SRPRA: variants seen among roughly 807,000 people sequenced by gnomAD.
SRPRA encodes the protein SRP receptor subunit alpha.
SRPRA carries 30 observed loss-of-function variants against 61.1 expected under a neutral mutation model. That is an observed-to-expected ratio of 0.49 (90% CI 0.37 to 0.67). The LOEUF is 0.67. Ranked by LOEUF, SRPRA falls within the 30% of genes least tolerant of loss-of-function variation. The probability of loss-of-function intolerance (pLI) is 0.00; values close to 1 mark genes in which losing one functional copy is unlikely to be tolerated. For missense variants in SRPRA, 759 were observed against 828.4 expected (o/e 0.92, Z 1.03); for synonymous variants, 324 against 299.7 (o/e 1.08, Z -0.84).
At chr11:126,258,240 T>C (rs906988742), downstream of SRPRA, among the ~76,000 whole-genome samples, 8 of 151,840 alleles carry the variant, frequency 5.3e-5, no homozygotes, top group Admixed American at 4.6e-4. Context: ...TGCAAAAAAT[T>C]AGCCAGGTGT....
At chr11:126,250,088 C>T in the SRPRA span, among the ~76,000 whole-genome samples, 89 of 135,046 alleles carry the variant, frequency 6.6e-4, no homozygotes, top group Middle Eastern at 3.9e-3. This position sits in a 1 kb window ranked among gnomAD's most constrained non-coding sequence, Gnocchi z 5.1. Flanking sequence ...ATTTTATCCC[C>T]GGGATTTTTT....
At chr11:126,258,320 G>A (rs1445469899), downstream of SRPRA, among the ~76,000 whole-genome samples, 1 of 152,198 alleles carries the variant, frequency 6.6e-6, no homozygotes, top group East Asian at 1.9e-4. Flanking sequence ...CCAGGAGTTG[G>A]AGTCTGCAGT....
chr11:126,256,709 G>A, the SRPRA span: 2 of 1,614,202 alleles, frequency 1.2e-6, no homozygotes, highest in Non-Finnish European at 1.7e-6. The surrounding 1 kb of genome is among the most constrained non-coding windows in gnomAD (Gnocchi z 6.6). Flanking sequence ...CTGGTTCGGA[G>A]AGGAGACGTA....
Position 126,267,062 on chromosome 11 carries a change from T to G in SRPRA, c.526+113A>C. 2 of 1,526,688 alleles carry G rather than the reference T, an allele frequency of 1.3e-6. No homozygotes were observed. Among genetic ancestry groups the G allele is most frequent in the Non-Finnish European group, 1.8e-6 (2 of 1,131,056 alleles). 94.6% of individuals were successfully genotyped at this position (1,526,688 alleles called of 1,614,324 possible). On this transcript the variant is annotated intron_variant, in intron 4 of 13. Coordinates refer to ENST00000332118, the MANE Select transcript of SRPRA (RefSeq NM_003139.4). This position sits in a 1 kb window ranked among gnomAD's most constrained non-coding sequence, Gnocchi z 4.2. The stretch of plus-strand genomic sequence containing the variant: ...ATAAGGCCTGGGGATTATAGGATGG[T>G]GACCATTTGAGTGAGAAGCAGGTAA...
rs1411802155 is a variant in SRPRA at position 126,264,921 on chromosome 11, G to A, written c.1525+38C>T. On this transcript the variant is annotated intron_variant, in intron 11 of 13. Coordinates refer to ENST00000332118, the MANE Select transcript of SRPRA (RefSeq NM_003139.4). This position sits in a 1 kb window ranked among gnomAD's most constrained non-coding sequence, Gnocchi z 5.0. ...CCAAGAGAACCCAAGGAGAAAAAGG[G>A]ACCCCAAATAAGCCCCCACACTTCC... 6.3e-6 allele frequency: 10 copies of A among 1,576,378 alleles called. No individual in the cohort carries two copies. The Middle Eastern group carries it at 6.7e-4, about 106-fold the overall frequency.
At chr11:126,259,672 G>T (rs1336684158), downstream of SRPRA, among the ~76,000 whole-genome samples, 19 of 147,254 alleles carry the variant, frequency 1.3e-4, no homozygotes, top group Non-Finnish European at 4.5e-5. Flanking sequence ...TGATCCACCC[G>T]CCCTGGCCTC....
At chr11:126,243,157 C>G in the SRPRA span, among the ~76,000 whole-genome samples, 1 of 152,252 alleles carries the variant, frequency 6.6e-6, no homozygotes, top group Middle Eastern at 3.4e-3. Context: ...CAGGCAAATC[C>G]ATAGAACAGA....
the SRPRA span, among the ~76,000 whole-genome samples, chr11:126,256,033 G>T: frequency 2.0e-5 from 3 of 152,160 alleles, no homozygotes; most frequent in Non-Finnish European, 4.4e-5. This position sits in a 1 kb window ranked among gnomAD's most constrained non-coding sequence, Gnocchi z 6.6. Flanking sequence ...CACTTTGGGA[G>T]GCCAAGGTGG....
the SRPRA span, chr11:126,250,765 G>A: frequency 4.7e-6 from 7 of 1,499,608 alleles, no homozygotes; most frequent in East Asian, 1.1e-4. This position sits in a 1 kb window ranked among gnomAD's most constrained non-coding sequence, Gnocchi z 5.1. Flanking sequence ...CCTTCTTCAG[G>A]CTAGTGGATT....
Position 126,265,291 on chromosome 11 carries a change from C to T in SRPRA, c.1288G>A (p.Gly430Arg), listed in dbSNP as rs1192438947. 6.2e-7 allele frequency: 1 copy of T among 1,614,134 alleles called. No homozygotes were observed. The highest frequency in any genetic ancestry group is 1.1e-5 in the South Asian group (1 of 91,084). Residue 430 changes from glycine to arginine, a missense_variant, in exon 10 of 14, where the codon GGG becomes AGG. By Grantham distance (125) the Gly-to-Arg change is moderately radical. Coordinates refer to ENST00000332118, the MANE Select transcript of SRPRA (RefSeq NM_003139.4). This position sits in a 1 kb window ranked among gnomAD's most constrained non-coding sequence, Gnocchi z 6.3. ...ACCTTGGCAAGATTAGTAGATTTCC[C>T]CACTCCATTAACGCCGCAGAAGGTG... The part of the protein sequence containing the change: ...VVTFCGVNGV[G>R]KSTNLAKISF...
the SRPRA span, among the ~76,000 whole-genome samples, chr11:126,246,151 A>G: frequency 1.3e-5 from 2 of 152,214 alleles, no homozygotes; most frequent in African/African-American, 2.4e-5. Context: ...AAATTTAAAC[A>G]CTAATATTAA....
At position 126,264,463 on chromosome 11, in the gene SRPRA, G is replaced by A. The variant is rs1484385427; in HGVS notation, c.1602C>T (p.Ala534=). Residue 534 remains alanine, a synonymous_variant, in exon 12 of 14, where the codon GCC becomes GCT. Transcript: ENST00000332118. This position sits in a 1 kb window ranked among gnomAD's most constrained non-coding sequence, Gnocchi z 5.0. ...RMQDNAPLMT[A]LAKLITVNTP... is the part of the protein sequence containing the mutation. ...TATTGACAGTAATGAGTTTGGCCAG[G>A]GCAGTCATCAGAGGGGCATTGTCTT... 6.2e-7 allele frequency: 1 copy of A among 1,614,172 alleles called. No homozygotes were observed.
chr11:126,265,390 G>A lies in SRPRA; in HGVS notation c.1189C>T (p.Leu397=). Reference sequence around the variant, plus strand: ...ATGTCTACACGACGCTGTGGCTGCAGAATCTGCACCAGGGACTCCTGTAGG... The same window carrying A: ...ATGTCTACACGACGCTGTGGCTGCAAAATCTGCACCAGGGACTCCTGTAGG... ...QALQESLVQI[L]QPQRRVDMLR... is the part of the protein sequence containing the mutation. Residue 397 remains leucine, a synonymous_variant, in exon 10 of 14, where the codon CTG becomes TTG. Transcript: ENST00000332118. This position sits in a 1 kb window ranked among gnomAD's most constrained non-coding sequence, Gnocchi z 6.3. 1.2e-6 allele frequency: 2 copies of A among 1,614,038 alleles called. No homozygotes were observed. The highest frequency in any genetic ancestry group is 2.2e-5 in the South Asian group (2 of 91,084).
In SRPRA at chr11:126,265,931, G is replaced by A. The variant is rs200916549; in HGVS notation, c.1051+32C>T. 18 of 1,611,334 alleles carry A rather than the reference G, an allele frequency of 1.1e-5. No homozygotes were observed. The highest frequency in any genetic ancestry group is 8.9e-5 in the East Asian group (4 of 44,884). The stretch of plus-strand genomic sequence containing the variant: ...CTGCTCTCAACTACCCCTATCCCGC[G>A]AGTATGAGTCAGCCCGGTCCTCAGA... On this transcript the variant is annotated intron_variant, in intron 8 of 13. Coordinates refer to ENST00000332118, the MANE Select transcript of SRPRA (RefSeq NM_003139.4). The surrounding 1 kb of genome is among the most constrained non-coding windows in gnomAD (Gnocchi z 6.3).
chr11:126,240,731 C>CT, the SRPRA span: 7 of 1,484,446 alleles, frequency 4.7e-6, no homozygotes, highest in South Asian at 9.9e-5. Context: ...GTCAGACAGT[C>CT]TTTCTGTGTG....
chr11:126,250,237 G>A, the SRPRA span, among the ~76,000 whole-genome samples: 695 of 152,048 alleles, frequency 4.6e-3, 2 homozygotes, highest in Middle Eastern at 0.02. The surrounding 1 kb of genome is among the most constrained non-coding windows in gnomAD (Gnocchi z 5.1). Flanking sequence ...GACTACAGGC[G>A]CCTGTCACCA....
chr11:126,260,098 C>G (rs554453458), downstream of SRPRA, among the ~76,000 whole-genome samples: 95 of 152,090 alleles, frequency 6.2e-4, no homozygotes, highest in African/African-American at 2.2e-3. Flanking sequence ...ATGGCACAGT[C>G]ATGGCTCACC....
At chr11:126,268,630 G>A in intron 1 of SRPRA, 58 bp downstream of exon 1, 3 of 1,437,010 alleles carry the variant, frequency 2.1e-6, no homozygotes, top group South Asian at 1.2e-5. Flanking sequence ...AGTCGAAGGG[G>A]ACCATGGATC....
At chr11:126,260,038 ATTAC>A (rs1565342381), downstream of SRPRA, among the ~76,000 whole-genome samples, 2 of 151,808 alleles carry the variant, frequency 1.3e-5, no homozygotes. Context: ...TTTTATTATT[ATTAC>A]TATTTTTGAT....
Sources: gnomAD v4.1 joint callset for allele counts (sites outside exome capture counted in the v4.1 genomes callset) on GRCh38, gnomAD v4.1.1 for gene constraint, Gnocchi (gnomAD v3.1) non-coding constraint, MANE v1.5 for transcripts, NCBI Gene and HGNC (gene_info 2026-07-23, HGNC 2026-07-21) for gene names.